Variants in ATP10B observed in about 807,000 individuals in gnomAD.
ATP10B encodes the protein ATPase phospholipid transporting 10B (putative).
Under a neutral mutation model 141.2 loss-of-function variants are expected in ATP10B, and 122 were observed. That is an observed-to-expected ratio of 0.86 (90% CI 0.75 to 1.00). The LOEUF (loss-of-function observed/expected upper bound fraction) is 1.00. Among genes scored for constraint, ATP10B ranks in the 50% least tolerant of loss-of-function variants. The pLI is 0.00. For missense variants in ATP10B, 1,876 were observed against 1,825.3 expected, an observed-to-expected ratio of 1.03 and a Z score of -0.51; for synonymous variants, 685 against 692.0, an observed-to-expected ratio of 0.99 and a Z score of 0.16.
Position 160,809,857 on chromosome 5 carries a change from T to C in ATP10B, c.-575-24054A>G, listed in dbSNP as rs141444548. Reference sequence around the variant, plus strand: ...GACTGAGAGATTTTTTAGCTATTCATTCTATTTTCTTTAATGGCTGTGATC... The same window carrying C: ...GACTGAGAGATTTTTTAGCTATTCACTCTATTTTCTTTAATGGCTGTGATC... On this transcript the variant is annotated intron_variant, in intron 1 of 25. Coordinates refer to ENST00000327245, the MANE Select transcript of ATP10B (RefSeq NM_025153.3). 6.2e-4 allele frequency among the ~76,000 whole-genome samples: 94 copies of C among 152,300 alleles called. 1 individual carries two copies. The East Asian group carries it at 0.017, about 27-fold the overall frequency.
At chr5:160,603,036 C>A in intron 20 of ATP10B, 1 of 197,598 alleles carries the variant, frequency 5.1e-6, no homozygotes, top group Non-Finnish European at 1.1e-5. Flanking sequence ...GAAGGGGCTT[C>A]CATTCAAGCA....
chr5:160,687,895 T>A lies in ATP10B; in HGVS notation c.180A>T (p.Glu60Asp). 1.2e-6 allele frequency: 2 copies of A among 1,614,180 alleles called. No individual in the cohort carries two copies. Among genetic ancestry groups the A allele is most frequent in the Non-Finnish European group, 1.7e-6 (2 of 1,180,022 alleles). The change falls in exon 5 of 26, where the codon GAA (glutamate) becomes GAT (aspartate). Residue 60 changes from glutamate to aspartate, a missense_variant. By Grantham distance (45) the Glu-to-Asp change is conservative. Transcript: ENST00000327245. The stretch of plus-strand genomic sequence containing the variant: ...TGCCAGGGTATCTCCTGGAGACCTC[T>A]TCCCAATCTTGATGGAATATGCTGT... Reference protein sequence around the residue: ...PNNSIFHQDWEEVSRRYPGNR... With the variant: ...PNNSIFHQDWDEVSRRYPGNR...
In ATP10B at chr5:160,580,309, A is replaced by C. The variant is rs151299345; in HGVS notation, c.3750+9283T>G. 9.4e-3 allele frequency among the ~76,000 whole-genome samples: 1,439 copies of C among 152,276 alleles called. 18 individuals are homozygous for C. The highest frequency in any genetic ancestry group is 0.033 in the African/African-American group (1,359 of 41,530). ...GATATTGGCTATGGGTTTGTCATAAATAGCTCTTATTATTTTGAGATACGT... is the reference window on the plus strand; with the variant it reads ...GATATTGGCTATGGGTTTGTCATAACTAGCTCTTATTATTTTGAGATACGT... On this transcript the variant is annotated intron_variant, in intron 24 of 25. Coordinates refer to ENST00000327245, the MANE Select transcript of ATP10B (RefSeq NM_025153.3).
chr5:160,658,145 C>G (rs920033389), intron 7 of ATP10B, among the ~76,000 whole-genome samples: 1 of 152,124 alleles, frequency 6.6e-6, no homozygotes, highest in African/African-American at 2.4e-5. Flanking sequence ...GCTGATAAAC[C>G]ACAAAACAAA....
At chr5:160,590,947 T>TA in intron 23 of ATP10B, 112 bp downstream of exon 23, 1 of 848,644 alleles carries the variant, frequency 1.2e-6, no homozygotes, top group South Asian at 1.6e-5. Context: ...GCTACCTGTT[T>TA]GAGCCTCTGC....
intron 1 of ATP10B, among the ~76,000 whole-genome samples, chr5:160,797,878 C>T (rs1226092519): frequency 6.6e-6 from 1 of 150,968 alleles, no homozygotes; most frequent in Non-Finnish European, 1.5e-5. Flanking sequence ...ATCGCTTGAG[C>T]CCAGGAGTTC....
chr5:160,621,868 T>C, intron 14 of ATP10B, among the ~76,000 whole-genome samples: 1 of 152,206 alleles, frequency 6.6e-6, no homozygotes, highest in Non-Finnish European at 1.5e-5. Context: ...CACACAGTAT[T>C]ATTTTTAACC....
At chr5:160,663,261 C>G (rs1255483124) in intron 7 of ATP10B, among the ~76,000 whole-genome samples, 1 of 152,106 alleles carries the variant, frequency 6.6e-6, no homozygotes, top group Non-Finnish European at 1.5e-5. Flanking sequence ...ACTAGAAATA[C>G]CATTTGACCC....
rs1357505463 is a variant in ATP10B, at chr5:160,632,156, C to T, written c.1593G>A (p.Gln531=). Reference sequence around the variant, plus strand: ...TGGAGCTGCTGAAGGCCACAGGAGGCTGTGAGCTTTCACGGTGCCCCATAG... The same window carrying T: ...TGGAGCTGCTGAAGGCCACAGGAGGTTGTGAGCTTTCACGGTGCCCCATAG... ...QRSMGHRESS[Q]PPVAFSSSIE... is the part of the protein sequence containing the mutation. Residue 531 remains glutamine, a synonymous_variant, in exon 13 of 26, where the codon CAG becomes CAA. Transcript: ENST00000327245. 3.1e-6 allele frequency: 5 copies of T among 1,613,962 alleles called. No homozygotes were observed. The highest frequency in any genetic ancestry group is 3.3e-5 in the Admixed American group (2 of 60,008).
At chr5:160,899,468 A>C in the ATP10B span, among the ~76,000 whole-genome samples, 1 of 152,158 alleles carries the variant, frequency 6.6e-6, no homozygotes, top group African/African-American at 2.4e-5. Context: ...TTTGGTCTTC[A>C]TTGTGGTAAT....
At chr5:160,812,913 C>T (rs1408157081) in intron 1 of ATP10B, among the ~76,000 whole-genome samples, 1 of 152,128 alleles carries the variant, frequency 6.6e-6, no homozygotes, top group East Asian at 1.9e-4. Context: ...GGTTGTAGAA[C>T]ACCAAACAGA....
intron 3 of ATP10B, among the ~76,000 whole-genome samples, chr5:160,694,467 C>T (rs993631640): frequency 2.6e-5 from 4 of 152,220 alleles, no homozygotes; most frequent in African/African-American, 9.6e-5. Context: ...GCCTTATTCT[C>T]TTCTAGGTAC....
rs1303255443 is a variant in ATP10B at position 160,569,680 on chromosome 5, TG to T, written c.3753del (p.Ile1252PhefsTer12). 6.4e-7 allele frequency: 1 copy of T among 1,565,016 alleles called. No homozygotes were observed. The highest frequency in any genetic ancestry group is 1.9e-5 in the Admixed American group (1 of 52,742). ...CCGAGGAGCACGACTCCGTGGAAAATGGTCTGTGGAGGGAAATAAGCAAACA... is the reference window on the plus strand; with the variant it reads ...CCGAGGAGCACGACTCCGTGGAAAATGTCTGTGGAGGGAAATAAGCAAACA... Reference protein sequence around the residue: ...LHQAMEMKTWTIFHGVVLLGS... With the variant: ...LHQAMEMKTWXIFHGVVLLGS... On this transcript the variant is annotated frameshift_variant and splice_region_variant, in exon 25 of 26. Transcript: ENST00000327245. LOFTEE classifies it high-confidence loss of function.
chr5:160,725,395 A>T (rs2127786620), intron 2 of ATP10B, among the ~76,000 whole-genome samples: 2 of 152,204 alleles, frequency 1.3e-5, no homozygotes, highest in Admixed American at 1.3e-4. Context: ...AGGGCAGTGC[A>T]TGAATGTTTC....
Position 160,730,178 on chromosome 5 carries a change from C to T in ATP10B, c.-330-13144G>A, listed in dbSNP as rs576475574. Among the ~76,000 whole-genome samples, 13 of 152,192 alleles carry T rather than the reference C, an allele frequency of 8.5e-5. No individual in the cohort carries two copies. In the South Asian group the frequency reaches 2.7e-3, roughly 32 times the overall value. ...GCTGACAAAGCCCACAGTGAGTTTA[C>T]CTATTCTTGTTCTACAGATGTGGAG... On this transcript the variant is annotated intron_variant, in intron 2 of 25. Transcript: ENST00000327245.
intron 1 of ATP10B, among the ~76,000 whole-genome samples, chr5:160,831,139 G>A (rs1469247928): frequency 6.6e-6 from 1 of 151,024 alleles, no homozygotes; most frequent in African/African-American, 2.4e-5. Context: ...GATTCACTCA[G>A]CCCAAAGTTC....
In ATP10B at chr5:160,764,277, A is replaced by G. The variant is rs561772024; in HGVS notation, c.-331+21282T>C. Among the ~76,000 whole-genome samples the G allele has an allele frequency of 6.6e-5, 10 of 152,240 alleles. No individual in the cohort carries two copies. In the East Asian group the frequency reaches 1.3e-3, roughly 21 times the overall value. On this transcript the variant is annotated intron_variant, in intron 2 of 25. Transcript: ENST00000327245. Reference sequence around the variant, plus strand: ...AACAACAACAACAAAACTACAGACCAATATCCCTGATGAACATAGACGCAA... The same window carrying G: ...AACAACAACAACAAAACTACAGACCGATATCCCTGATGAACATAGACGCAA...
At chr5:160,728,284 T>C (rs1766503552) in intron 2 of ATP10B, among the ~76,000 whole-genome samples, 1 of 152,100 alleles carries the variant, frequency 6.6e-6, no homozygotes, top group Non-Finnish European at 1.5e-5. Flanking sequence ...TTTGGAAAAA[T>C]AGCCACAGAC....
the ATP10B span, among the ~76,000 whole-genome samples, chr5:160,872,532 T>C: frequency 6.6e-6 from 1 of 152,248 alleles, no homozygotes; most frequent in Non-Finnish European, 1.5e-5. Context: ...GAGTCCTTAA[T>C]ACATCTTGAA....
Sources: gnomAD v4.1 joint callset for allele counts (sites outside exome capture counted in the v4.1 genomes callset) on GRCh38, gnomAD v4.1.1 for gene constraint, MANE v1.5 for transcripts, NCBI Gene and HGNC (gene_info 2026-07-23, HGNC 2026-07-21) for gene names.